The following DPP10 variants were observed in gnomAD, a reference collection of about 807,000 sequenced individuals.
DPP10 encodes inactive dipeptidyl peptidase 10.
DPP10 carries 33 observed loss-of-function variants against 120.9 expected under a neutral mutation model. The observed-to-expected ratio is 0.27, with a 90% CI of 0.21 to 0.37. The LOEUF is 0.37. DPP10 is among the 10% of genes least tolerant of loss of function. The pLI, the probability that DPP10 is intolerant of heterozygous loss-of-function variation, is 1.00. For synonymous variants in DPP10, 337 were observed against 326.1 expected, an observed-to-expected ratio of 1.03 and a Z score of -0.36; for missense variants, 816 against 942.8, an observed-to-expected ratio of 0.87 and a Z score of 1.76.
chr2:114,670,049 G>A (rs564061667), intron 1 of DPP10, among the ~76,000 whole-genome samples: 1 of 152,050 alleles, frequency 6.6e-6, no homozygotes, highest in African/African-American at 2.4e-5. Flanking sequence ...TGGAGAAATA[G>A]GAACACTTTT....
intron 1 of DPP10, among the ~76,000 whole-genome samples, chr2:115,037,638 T>C (rs1401709679): frequency 6.6e-6 from 1 of 152,242 alleles, no homozygotes; most frequent in Non-Finnish European, 1.5e-5. Context: ...CTCCAAATTA[T>C]AATTTCCGTG....
At chr2:115,422,053 A>T (rs1488913868) in intron 3 of DPP10, among the ~76,000 whole-genome samples, 1 of 152,038 alleles carries the variant, frequency 6.6e-6, no homozygotes, top group Non-Finnish European at 1.5e-5. Context: ...CCTGTAGAAG[A>T]TGAAAAGTGA....
chr2:115,181,654 C>T (rs2054087862), intron 1 of DPP10, among the ~76,000 whole-genome samples: 1 of 152,110 alleles, frequency 6.6e-6, no homozygotes, highest in South Asian at 2.1e-4. Context: ...GTTATGGAGC[C>T]TCTTTTCTGC....
At chr2:114,783,663 C>G (rs1259977042) in intron 1 of DPP10, among the ~76,000 whole-genome samples, 2 of 151,922 alleles carry the variant, frequency 1.3e-5, no homozygotes, top group African/African-American at 4.8e-5. Flanking sequence ...ATGACGAAAA[C>G]CCATCTCTAA....
At chr2:115,468,855 C>A in intron 3 of DPP10, 1 of 414,134 alleles carries the variant, frequency 2.4e-6, no homozygotes, top group South Asian at 2.0e-5. Flanking sequence ...GACTGGAGCA[C>A]TCAAGACTGC....
At chr2:115,195,828 A>G (rs1025959086) in intron 1 of DPP10, among the ~76,000 whole-genome samples, 13 of 152,196 alleles carry the variant, frequency 8.5e-5, no homozygotes, top group Middle Eastern at 3.2e-3. Context: ...CAACAGGGCA[A>G]TTCTTCAGTG....
At chr2:114,692,233 T>C (rs1699801995) in intron 1 of DPP10, among the ~76,000 whole-genome samples, 1 of 152,222 alleles carries the variant, frequency 6.6e-6, no homozygotes, top group African/African-American at 2.4e-5. Flanking sequence ...GCTATTAAGT[T>C]CCCTCTTAAC....
intron 3 of DPP10, among the ~76,000 whole-genome samples, chr2:115,446,753 T>C (rs1574871393): frequency 6.6e-6 from 1 of 152,122 alleles, no homozygotes; most frequent in South Asian, 2.1e-4. Context: ...GCTTATTAGG[T>C]CCACTATTTT....
intron 8 of DPP10, among the ~76,000 whole-genome samples, chr2:115,735,549 C>A (rs113776007): frequency 1.5e-4 from 22 of 151,360 alleles, no homozygotes; most frequent in African/African-American, 4.6e-4. Flanking sequence ...TTGACAGAGT[C>A]TTGCTCTGTT....
chr2:114,678,589 A>G (rs1208889764), intron 1 of DPP10, among the ~76,000 whole-genome samples: 1 of 151,904 alleles, frequency 6.6e-6, no homozygotes, highest in Non-Finnish European at 1.5e-5. Context: ...TTATTTATTT[A>G]CAAAAGTTCT....
intron 1 of DPP10, among the ~76,000 whole-genome samples, chr2:115,257,731 G>A (rs2059067959): frequency 6.6e-6 from 1 of 152,130 alleles, no homozygotes; most frequent in Admixed American, 6.6e-5. Flanking sequence ...CAGATGTTGA[G>A]TATTTTTTTC....
intron 1 of DPP10, among the ~76,000 whole-genome samples, chr2:114,942,603 A>T (rs1030029502): frequency 2.0e-5 from 3 of 151,364 alleles, no homozygotes; most frequent in Non-Finnish European, 4.4e-5. Flanking sequence ...TCCCTGGTGC[A>T]GCTACTCTAA....
intron 1 of DPP10, among the ~76,000 whole-genome samples, chr2:114,728,282 G>A (rs1676544732): frequency 6.6e-6 from 1 of 152,146 alleles, no homozygotes; most frequent in Non-Finnish European, 1.5e-5. Context: ...TCTGCTCTAG[G>A]TCAAGATGCC....
chr2:114,454,586 A>G (rs185743931), intron 1 of DPP10, among the ~76,000 whole-genome samples: 37 of 152,242 alleles, frequency 2.4e-4, no homozygotes, highest in Admixed American at 3.9e-4. Flanking sequence ...AAGCCTCTCA[A>G]TTGAAGTTTC....
chr2:115,179,673 T>G (rs527883096), intron 1 of DPP10, among the ~76,000 whole-genome samples: 32 of 152,286 alleles, frequency 2.1e-4, no homozygotes, highest in African/African-American at 7.2e-4. Context: ...ATTATAAGCT[T>G]ATGGATTTTT....
intron 9 of DPP10, among the ~76,000 whole-genome samples, chr2:115,742,438 A>G (rs961409284): frequency 2.0e-5 from 3 of 152,170 alleles, no homozygotes; most frequent in East Asian, 3.8e-4. Flanking sequence ...ATAACTATAT[A>G]TGATAACTAC....
chr2:114,965,254 C>T (rs13025368), intron 1 of DPP10, among the ~76,000 whole-genome samples: 24 of 151,838 alleles, frequency 1.6e-4, no homozygotes, highest in African/African-American at 4.3e-4. Flanking sequence ...CTCCTGCCTC[C>T]GCCTCCTGAG....
intron 12 of DPP10, among the ~76,000 whole-genome samples, chr2:115,766,265 A>G (rs1680698340): frequency 7.2e-6 from 1 of 139,058 alleles, no homozygotes. Flanking sequence ...GATACAATGA[A>G]CAAAAATACT....
chr2:115,162,592 C>A (rs1344424959), intron 1 of DPP10, among the ~76,000 whole-genome samples: 1 of 152,048 alleles, frequency 6.6e-6, no homozygotes, highest in Non-Finnish European at 1.5e-5. Context: ...CCGTAGTCTG[C>A]TGAGCGGAAC....
Sources: allele counts gnomAD v4.1 joint callset (sites outside exome capture counted in the v4.1 genomes callset), GRCh38; gene constraint gnomAD v4.1.1; transcripts MANE v1.5; gene names NCBI Gene and HGNC (gene_info 2026-07-23, HGNC 2026-07-21).